The following MMADHC variants were observed in gnomAD, a reference collection of about 807,000 sequenced individuals.
MMADHC encodes cobalamin trafficking protein CblD.
MMADHC carries 23 observed loss-of-function variants against 36.3 expected under a neutral mutation model. That is an observed-to-expected ratio of 0.63 (90% CI 0.46 to 0.90). The LOEUF (loss-of-function observed/expected upper bound fraction) is 0.90, where lower values mean the gene tolerates loss of function less well. Among genes scored for constraint, MMADHC ranks in the 40% least tolerant of loss-of-function variants. The pLI is 0.00. For missense variants in MMADHC, 330 were observed against 348.0 expected (o/e 0.95, Z 0.41); for synonymous variants, 97 against 116.1 (o/e 0.84, Z 1.06).
chr2:149,584,338 A>G (rs1169980483), intron 2 of MMADHC, among the ~76,000 whole-genome samples: 2 of 152,230 alleles, frequency 1.3e-5, no homozygotes, highest in Admixed American at 6.5e-5. Context: ...TCCAAGTTCT[A>G]TAGTAAGTGC....
intron 6 of MMADHC, among the ~76,000 whole-genome samples, chr2:149,572,781 G>A (rs1682663398): frequency 6.6e-6 from 1 of 152,100 alleles, no homozygotes; most frequent in Non-Finnish European, 1.5e-5. Flanking sequence ...AAGAGGCCTA[G>A]AAATCCATGT....
intron 4 of MMADHC, among the ~76,000 whole-genome samples, chr2:149,578,794 C>T (rs1682752902): frequency 6.6e-6 from 1 of 151,778 alleles, no homozygotes; most frequent in Non-Finnish European, 1.5e-5. Flanking sequence ...AAAAAAAACT[C>T]AGCCTAAAAC....
intron 4 of MMADHC, among the ~76,000 whole-genome samples, chr2:149,577,953 G>A (rs140841984): frequency 6.6e-6 from 1 of 152,212 alleles, no homozygotes; most frequent in Non-Finnish European, 1.5e-5. Context: ...GGGAGTTGCA[G>A]GTTGCAGTGA....
chr2:149,585,126 C>G (rs1331288321), intron 2 of MMADHC, among the ~76,000 whole-genome samples: 1 of 151,252 alleles, frequency 6.6e-6, no homozygotes, highest in Non-Finnish European at 1.5e-5. Context: ...TTTCTGACAA[C>G]TTGACAGATT....
chr2:149,584,773 G>A (rs1682841464), intron 2 of MMADHC, among the ~76,000 whole-genome samples: 1 of 152,094 alleles, frequency 6.6e-6, no homozygotes, highest in Non-Finnish European at 1.5e-5. Context: ...TCTTGGCTGG[G>A]TGCAGTGGCT....
chr2:149,576,173 T>C (rs1682713736), intron 5 of MMADHC, among the ~76,000 whole-genome samples: 1 of 151,958 alleles, frequency 6.6e-6, no homozygotes, highest in African/African-American at 2.4e-5. Context: ...ATTATAACTC[T>C]AATAATCACC....
rs138389188 is a variant in MMADHC at position 149,582,301 on chromosome 2, G to A, written c.10-30C>T. 4,143 of 1,609,318 alleles carry A rather than the reference G, an allele frequency of 2.6e-3. 189 individuals are homozygous for A. In the Admixed American group the frequency reaches 0.066, roughly 26 times the overall value. On this transcript the variant is annotated intron_variant, in intron 2 of 7. Coordinates refer to ENST00000303319, the MANE Select transcript of MMADHC (RefSeq NM_015702.3). Reference sequence around the variant, plus strand: ...AAATGACACAAAATTAAAACTATTTGTTCTGAATATAAATGTTATACTTAC... The same window carrying A: ...AAATGACACAAAATTAAAACTATTTATTCTGAATATAAATGTTATACTTAC...
intron 6 of MMADHC, among the ~76,000 whole-genome samples, chr2:149,574,460 C>A (rs1682686176): frequency 6.6e-6 from 1 of 152,136 alleles, no homozygotes; most frequent in Non-Finnish European, 1.5e-5. Flanking sequence ...GACCATACAT[C>A]TAATCCCAAA....
chr2:149,587,111 G>A lies in MMADHC; in HGVS notation c.-14C>T. On this transcript the variant is annotated 5_prime_UTR_variant, in exon 2 of 8. Transcript: ENST00000303319. The stretch of plus-strand genomic sequence containing the variant: ...CACATTGGCCATCTCCGCTGGAGAA[G>A]ATAGTTCGCAAAATAGCTTTCCTTT... 1.2e-6 allele frequency: 2 copies of A among 1,613,596 alleles called. No homozygotes were observed. The highest frequency in any genetic ancestry group is 1.3e-5 in the African/African-American group (1 of 75,058).
chr2:149,580,951 T>C (rs1040388907), intron 3 of MMADHC, among the ~76,000 whole-genome samples: 1 of 152,228 alleles, frequency 6.6e-6, no homozygotes, highest in African/African-American at 2.4e-5. Flanking sequence ...GCAGATCATG[T>C]TGAATAACAA....
intron 6 of MMADHC, 80 bp downstream of exon 6, chr2:149,575,631 A>G: frequency 8.6e-7 from 1 of 1,161,698 alleles, no homozygotes; most frequent in Non-Finnish European, 1.2e-6. Flanking sequence ...TGGAAATGAC[A>G]GTCATCATTT....
At chr2:149,573,875 C>CA (rs60542315) in intron 6 of MMADHC, among the ~76,000 whole-genome samples, 120,769 of 151,922 alleles carry the variant, frequency 0.79, 50,263 homozygotes, top group Non-Finnish European at 0.91. Flanking sequence ...CAAATTAAAA[C>CA]AAAAAAACCA....
intron 2 of MMADHC, among the ~76,000 whole-genome samples, chr2:149,582,946 G>T (rs972747336): frequency 6.6e-6 from 1 of 152,088 alleles, no homozygotes; most frequent in Non-Finnish European, 1.5e-5. Context: ...AGGGATTGGC[G>T]AACGATTTCC....
At chr2:149,587,043 C>A (rs1442526347) in intron 2 of MMADHC, 46 bp downstream of exon 2, 2 of 1,593,392 alleles carry the variant, frequency 1.3e-6, no homozygotes, top group Non-Finnish European at 8.6e-7. Flanking sequence ...TCCTAACATT[C>A]CCAAACGAGT....
At chr2:149,577,183 G>A (rs1217577444) in intron 4 of MMADHC, among the ~76,000 whole-genome samples, 4 of 152,186 alleles carry the variant, frequency 2.6e-5, no homozygotes, top group African/African-American at 4.8e-5. Flanking sequence ...GCATAGATGA[G>A]GAAGAAACTT....
chr2:149,577,827 A>G (rs950427012), intron 4 of MMADHC, among the ~76,000 whole-genome samples: 4 of 152,066 alleles, frequency 2.6e-5, no homozygotes, highest in Non-Finnish European at 2.9e-5. Flanking sequence ...AGACCATCCT[A>G]GCCAACATGG....
chr2:149,587,432 C>A, intron 1 of MMADHC: 1 of 428,812 alleles, frequency 2.3e-6, no homozygotes, highest in South Asian at 2.9e-5. Flanking sequence ...AAAATTCAGT[C>A]CAGAGGATCG....
Position 149,582,217 on chromosome 2 carries a change from C to T in MMADHC, c.64G>A (p.Val22Ile), listed in dbSNP as rs1682804912. 6.2e-7 allele frequency: 1 copy of T among 1,613,784 alleles called. No individual in the cohort carries two copies. The highest frequency in any genetic ancestry group is 1.3e-5 in the African/African-American group (1 of 74,926). ...VSYLPGFCSLVKRVVNPKAFS... is the reference protein window; with the variant it reads ...VSYLPGFCSLIKRVVNPKAFS... ...GCTTTGGGATTGACAACCCTTTTAA[C>T]TAAAGAGCAAAATCCTGGGAGATAG... The change falls in exon 3 of 8, where the codon GTT becomes ATT. Residue 22 changes from valine to isoleucine, a missense_variant. Transcript: ENST00000303319.
intron 2 of MMADHC, among the ~76,000 whole-genome samples, chr2:149,582,586 G>A (rs1682811204): frequency 6.6e-6 from 1 of 152,086 alleles, no homozygotes; most frequent in Non-Finnish European, 1.5e-5. Flanking sequence ...ACACTAAAAA[G>A]GTAGCACAAC....
Sources: gnomAD v4.1 joint callset for allele counts (sites outside exome capture counted in the v4.1 genomes callset) on GRCh38, gnomAD v4.1.1 for gene constraint, MANE v1.5 for transcripts, NCBI Gene and HGNC (gene_info 2026-07-23, HGNC 2026-07-21) for gene names.